MAP2K3: variants seen among roughly 807,000 people sequenced by gnomAD.
The protein encoded by MAP2K3 is mitogen-activated protein kinase kinase 3.
MAP2K3 carries 30 observed loss-of-function variants against 46.4 expected under a neutral mutation model. That is an observed-to-expected ratio of 0.65 (90% CI 0.48 to 0.88). MAP2K3 has a LOEUF of 0.88. MAP2K3 is among the 40% of genes least tolerant of loss of function. The pLI is 0.00. For synonymous variants in MAP2K3, 189 were observed against 176.3 expected (o/e 1.07, Z -0.57); for missense variants, 380 against 464.5 (o/e 0.82, Z 1.67).
chr17:21,304,964 G>A (rs1263919453), intron 8 of MAP2K3, 87 bp from the exon 9 acceptor site: 40 of 1,471,438 alleles, frequency 2.7e-5, no homozygotes, highest in East Asian at 2.0e-4. Flanking sequence ...GCTAAGCTGA[G>A]CGCTCAGTTT....
Position 21,314,196 on chromosome 17 carries a change from C to G in MAP2K3, c.1010C>G (p.Ala337Gly). 2 of 1,614,072 alleles carry G rather than the reference C, an allele frequency of 1.2e-6. No homozygotes were observed. The highest frequency in any genetic ancestry group is 1.1e-5 in the South Asian group (1 of 91,082). ...AAAACCAAGAAGACGGACATTGCTG[C>G]CTTCGTGAAGGAGATCCTGGGAGAA... Reference protein sequence around the residue: ...LHKTKKTDIAAFVKEILGEDS With the variant: ...LHKTKKTDIAGFVKEILGEDS The change falls in exon 12 of 12, where the codon GCC becomes GGC. Residue 337 changes from alanine (A) to glycine (G), a missense_variant. Coordinates refer to ENST00000342679, the MANE Select transcript of MAP2K3 (RefSeq NM_145109.3).
chr17:21,300,451 G>A, intron 3 of MAP2K3, 94 bp from the exon 4 acceptor site: 2 of 1,302,174 alleles, frequency 1.5e-6, no homozygotes, highest in Non-Finnish European at 2.2e-6. Flanking sequence ...TAATCAGCTG[G>A]TCCTCTTCAT....
intron 2 of MAP2K3, 34 bp downstream of exon 2, chr17:21,298,513 T>G: frequency 6.2e-7 from 1 of 1,614,278 alleles, no homozygotes; most frequent in African/African-American, 1.3e-5. Context: ...TGGCTCACCC[T>G]GGAGAGGCTT....
At chr17:21,304,621 C>T in intron 8 of MAP2K3, 68 bp downstream of exon 8, 2 of 1,604,338 alleles carry the variant, frequency 1.2e-6, no homozygotes, top group Non-Finnish European at 1.7e-6. Context: ...CCAGGCTGGC[C>T]ACCCCGGCCA....
chr17:21,304,923 C>T, intron 8 of MAP2K3, 128 bp from the exon 9 acceptor site: 2 of 1,132,646 alleles, frequency 1.8e-6, no homozygotes, highest in South Asian at 2.6e-5. Flanking sequence ...CTCCTAGCCT[C>T]AGTTTCCTCC....
At chr17:21,305,758 T>C (rs1976862409) in intron 9 of MAP2K3, among the ~76,000 whole-genome samples, 1 of 152,304 alleles carries the variant, frequency 6.6e-6, no homozygotes. Flanking sequence ...GACAGTGGAT[T>C]GGAGGGATGG....
At chr17:21,290,960 AG>A (rs1452915938) in intron 1 of MAP2K3, among the ~76,000 whole-genome samples, 2 of 152,006 alleles carry the variant, frequency 1.3e-5, no homozygotes, top group Non-Finnish European at 2.9e-5. Flanking sequence ...AAATAGAAGT[AG>A]GCCAGGCACG....
At chr17:21,288,526 C>T (rs1440809460) in intron 1 of MAP2K3, among the ~76,000 whole-genome samples, 1 of 152,242 alleles carries the variant, frequency 6.6e-6, no homozygotes, top group Non-Finnish European at 1.5e-5. Flanking sequence ...GCTAAGACCT[C>T]AGTTTCCAGA....
At chr17:21,285,923 A>G (rs1975710741) in intron 1 of MAP2K3, among the ~76,000 whole-genome samples, 1 of 151,952 alleles carries the variant, frequency 6.6e-6, no homozygotes, top group African/African-American at 2.4e-5. Flanking sequence ...AGGAAGAGGA[A>G]AGGATGTTTT....
chr17:21,290,398 G>A (rs1975855380), intron 1 of MAP2K3, among the ~76,000 whole-genome samples: 1 of 4,250 alleles, frequency 2.4e-4, no homozygotes, highest in South Asian at 4.9e-3. Context: ...CCGTTGGCAT[G>A]GCACACGGCA....
chr17:21,303,564 G>A (rs947598918), intron 7 of MAP2K3, among the ~76,000 whole-genome samples: 2 of 152,310 alleles, frequency 1.3e-5, no homozygotes, highest in Non-Finnish European at 2.9e-5. Flanking sequence ...CCAAGATGCA[G>A]GACAATTCTC....
intron 3 of MAP2K3, 28 bp downstream of exon 3, chr17:21,298,954 GCCTCTC>G (rs1208471883): frequency 1.2e-6 from 2 of 1,613,436 alleles, no homozygotes; most frequent in East Asian, 2.2e-5. Context: ...CCCCTGCAGG[GCCTCTC>G]ACTTCACCTG....
intron 9 of MAP2K3, among the ~76,000 whole-genome samples, chr17:21,306,603 C>T (rs1567673364): frequency 6.6e-6 from 1 of 152,284 alleles, no homozygotes; most frequent in African/African-American, 2.4e-5. Context: ...TCTTGTGCCT[C>T]AGCCTCCCGA....
At chr17:21,290,898 TGCC>T (rs1328186961) in intron 1 of MAP2K3, among the ~76,000 whole-genome samples, 1 of 152,300 alleles carries the variant, frequency 6.6e-6, no homozygotes, top group East Asian at 1.9e-4. Context: ...CTGCAATGAG[TGCC>T]ACAGCACTCC....
At chr17:21,294,502 A>T (rs1402187722) in intron 1 of MAP2K3, among the ~76,000 whole-genome samples, 54 of 152,414 alleles carry the variant, frequency 3.5e-4, no homozygotes, top group African/African-American at 1.3e-3. Context: ...GGGTAGAGGG[A>T]GCAGCCGAAG....
chr17:21,286,497 G>A (rs1300469271), intron 1 of MAP2K3, among the ~76,000 whole-genome samples: 3 of 152,196 alleles, frequency 2.0e-5, no homozygotes, highest in East Asian at 1.9e-4. Flanking sequence ...GTGGGAGGCC[G>A]GATCCCTGAC....
chr17:21,295,495 C>T (rs527667748), intron 1 of MAP2K3: 162 of 882,442 alleles, frequency 1.8e-4, no homozygotes, highest in African/African-American at 1.5e-3. Context: ...GTTGCCACAA[C>T]GGCTGCACCT....
At chr17:21,292,088 G>C (rs1045579682) in intron 1 of MAP2K3, among the ~76,000 whole-genome samples, 2 of 152,312 alleles carry the variant, frequency 1.3e-5, no homozygotes, top group Non-Finnish European at 1.5e-5. Flanking sequence ...GTCACCTCAG[G>C]CGTGTCCTGG....
intron 1 of MAP2K3, among the ~76,000 whole-genome samples, chr17:21,287,764 C>T (rs1490562439): frequency 6.6e-6 from 1 of 152,210 alleles, no homozygotes; most frequent in Non-Finnish European, 1.5e-5. Context: ...TGGGTTCTGC[C>T]CCTTCTGCCC....
Sources: allele counts gnomAD v4.1 joint callset (sites outside exome capture counted in the v4.1 genomes callset), GRCh38; gene constraint gnomAD v4.1.1; transcripts MANE v1.5; gene names NCBI Gene and HGNC (gene_info 2026-07-23, HGNC 2026-07-21).